The following BTRC variants were observed in gnomAD, a reference collection of about 807,000 sequenced individuals.
The protein encoded by BTRC is beta-transducin repeat containing E3 ubiquitin protein ligase.
A neutral mutation model predicts 85.5 loss-of-function variants in BTRC; 42 were observed. The observed-to-expected ratio is 0.49, with a 90% confidence interval of 0.38 to 0.64. The LOEUF (loss-of-function observed/expected upper bound fraction) is 0.64, where lower values mean the gene tolerates loss of function less well. Among genes scored for constraint, BTRC ranks in the 30% least tolerant of loss-of-function variants. BTRC has a pLI of 0.00. For missense variants in BTRC, 594 were observed against 743.5 expected (o/e 0.80, Z 2.34); for synonymous variants, 255 against 263.3 (o/e 0.97, Z 0.30).
At chr10:101,457,481 A>G (rs1286492198) in intron 2 of BTRC, among the ~76,000 whole-genome samples, 4 of 152,208 alleles carry the variant, frequency 2.6e-5, no homozygotes, top group African/African-American at 7.2e-5. Context: ...ATTGAAAACT[A>G]TTTCTAAAAA....
intron 9 of BTRC, among the ~76,000 whole-genome samples, chr10:101,533,665 T>C (rs913649007): frequency 2.0e-5 from 3 of 151,992 alleles, no homozygotes; most frequent in Non-Finnish European, 2.9e-5. Flanking sequence ...TGCCGTAAGC[T>C]AAAGGATTTA....
At chr10:101,427,290 G>A (rs1944282295) in intron 1 of BTRC, among the ~76,000 whole-genome samples, 1 of 151,282 alleles carries the variant, frequency 6.6e-6, no homozygotes, top group South Asian at 2.1e-4. Flanking sequence ...GCTTATTTTT[G>A]TATTTTTAGT....
intron 1 of BTRC, among the ~76,000 whole-genome samples, chr10:101,380,013 C>T (rs1942889731): frequency 6.6e-6 from 1 of 152,090 alleles, no homozygotes; most frequent in Admixed American, 6.6e-5. Context: ...CTAGTTATAA[C>T]TTCTTTTGTT....
chr10:101,416,562 A>ATTG (rs1053195064), intron 1 of BTRC, among the ~76,000 whole-genome samples: 1 of 151,488 alleles, frequency 6.6e-6, no homozygotes, highest in African/African-American at 2.4e-5. Context: ...TGTTGTTGTT[A>ATTG]TTGTTGTTGT....
intron 2 of BTRC, among the ~76,000 whole-genome samples, chr10:101,430,956 A>T (rs950842935): frequency 1.3e-5 from 2 of 151,950 alleles, no homozygotes; most frequent in Admixed American, 1.3e-4. Flanking sequence ...ATCTTGATTA[A>T]CATTTCTAAT....
At chr10:101,426,592 G>T (rs1944257786) in intron 1 of BTRC, among the ~76,000 whole-genome samples, 1 of 152,136 alleles carries the variant, frequency 6.6e-6, no homozygotes, top group African/African-American at 2.4e-5. Flanking sequence ...AATGAATGAG[G>T]AAGTGTGTTA....
At chr10:101,530,468 T>G (rs1438588790) in intron 6 of BTRC, among the ~76,000 whole-genome samples, 1 of 150,700 alleles carries the variant, frequency 6.6e-6, no homozygotes, top group Non-Finnish European at 1.5e-5. Flanking sequence ...CTGTCTACAA[T>G]GCTGGGGACC....
intron 2 of BTRC, among the ~76,000 whole-genome samples, chr10:101,441,094 A>G (rs1944667865): frequency 1.3e-5 from 2 of 152,244 alleles, no homozygotes; most frequent in South Asian, 2.1e-4. Context: ...TTCAAAAATC[A>G]TTCTTGTAGA....
At chr10:101,535,563 A>T in intron 11 of BTRC, 91 bp downstream of exon 11, 1 of 874,746 alleles carries the variant, frequency 1.1e-6, no homozygotes, top group Non-Finnish European at 1.7e-6. Context: ...CAATTTTGTT[A>T]TGTTTATAAT....
chr10:101,537,330 C>A (rs1339159775), intron 12 of BTRC, among the ~76,000 whole-genome samples: 1 of 152,088 alleles, frequency 6.6e-6, no homozygotes, highest in Non-Finnish European at 1.5e-5. Flanking sequence ...TAGTTCGAGA[C>A]CAGCCTGGCC....
intron 1 of BTRC, among the ~76,000 whole-genome samples, chr10:101,385,615 C>CTTTTTTTT (rs146804594): frequency 1.3e-3 from 64 of 48,850 alleles, no homozygotes; most frequent in East Asian, 2.4e-3. Context: ...CTTTCTTCTT[C>CTTTTTTTT]TTCTTTTTTT....
intron 1 of BTRC, among the ~76,000 whole-genome samples, chr10:101,399,573 C>T (rs967049916): frequency 6.6e-6 from 1 of 152,134 alleles, no homozygotes; most frequent in Non-Finnish European, 1.5e-5. Context: ...ACTGGAATGT[C>T]ACAATGCAAG....
At chr10:101,489,360 C>T (rs1946070657) in intron 4 of BTRC, among the ~76,000 whole-genome samples, 1 of 152,048 alleles carries the variant, frequency 6.6e-6, no homozygotes, top group African/African-American at 2.4e-5. Context: ...TATTATTTTG[C>T]AGATCCTTTT....
At position 101,366,920 on chromosome 10, in the gene BTRC, A is replaced by T. The variant is rs12219140; in HGVS notation, c.48+12692A>T. ...TATTTATATATATTAATATATATTT[A>T]TATATATTTATATATATTTATATAT... On this transcript the variant is annotated intron_variant, in intron 1 of 14. Transcript: ENST00000370187. 1.3e-3 allele frequency among the ~76,000 whole-genome samples: 4 copies of T among 3,126 alleles called. 1 individual carries two copies. The highest frequency in any genetic ancestry group is 3.6e-3 in the Non-Finnish European group (3 of 842). The allele number at this position is 3,126 out of a possible 152,430, so 2.1% of individuals were successfully genotyped here. A position where few individuals can be genotyped will look rare whatever the true frequency, so the allele number is the denominator to read the frequency against.
At chr10:101,369,790 C>T (rs750283452) in intron 1 of BTRC, among the ~76,000 whole-genome samples, 1 of 152,194 alleles carries the variant, frequency 6.6e-6, no homozygotes, top group Non-Finnish European at 1.5e-5. Context: ...CCACAGGGTT[C>T]GTTCGATAAT....
intron 4 of BTRC, among the ~76,000 whole-genome samples, chr10:101,505,933 G>A (rs79733519): frequency 9.1e-6 from 1 of 110,446 alleles, no homozygotes; most frequent in Non-Finnish European, 2.0e-5. Flanking sequence ...TTTTTTTTTT[G>A]AGACGGAGTC....
chr10:101,455,694 G>A (rs2134152493), intron 2 of BTRC, among the ~76,000 whole-genome samples: 1 of 152,180 alleles, frequency 6.6e-6, no homozygotes, highest in East Asian at 1.9e-4. Flanking sequence ...TTATTTTGGT[G>A]AATGATAAAT....
chr10:101,470,329 C>CT lies in BTRC; in HGVS notation c.234+8292dup, dbSNP rs950644281. ...AAATCCAGTTTACCAATTTTTCTTTCTTTTTTTTTTTTTTTTTTTTTGAGA... is the reference window on the plus strand; with the variant it reads ...AAATCCAGTTTACCAATTTTTCTTTCTTTTTTTTTTTTTTTTTTTTTTGAGA... On this transcript the variant is annotated intron_variant, in intron 3 of 14. Transcript: ENST00000370187. Among the ~76,000 whole-genome samples the CT allele has an allele frequency of 9.9e-3, 939 of 94,848 alleles. 15 individuals are homozygous for CT. Among genetic ancestry groups the CT allele is most frequent in the Middle Eastern group, 0.014 (2 of 142 alleles). The allele number at this position is 94,848 out of a possible 152,430, so 62.2% of individuals were successfully genotyped here.
rs5787439 is a variant in BTRC, at chr10:101,532,797, T to TGC, written c.979-142_979-141dup. ...GTGTGTGTGTGTGTGTGTGCGCGTG[T>TGC]GCGCGCGCGCGCGCTTAGCTATACC... On this transcript the variant is annotated intron_variant, in intron 8 of 14. Transcript: ENST00000370187. Among the ~76,000 whole-genome samples, 129 of 141,198 alleles carry TGC rather than the reference T, an allele frequency of 9.1e-4. 3 individuals are homozygous for TGC. The highest frequency in any genetic ancestry group is 1.5e-3 in the South Asian group (7 of 4,534). The allele number at this position is 141,198 out of a possible 152,430, so 92.6% of individuals were successfully genotyped here. A position where few individuals can be genotyped will look rare whatever the true frequency, so the allele number is the denominator to read the frequency against.
Sources: gnomAD v4.1 joint callset for allele counts (sites outside exome capture counted in the v4.1 genomes callset) on GRCh38, gnomAD v4.1.1 for gene constraint, MANE v1.5 for transcripts, NCBI Gene and HGNC (gene_info 2026-07-23, HGNC 2026-07-21) for gene names.